The following XKR9 variants were observed in gnomAD, a reference collection of about 807,000 sequenced individuals.
The protein encoded by XKR9 is XK related 9.
Under a neutral mutation model 32.0 loss-of-function variants are expected in XKR9, and 32 were observed. The observed-to-expected ratio is 1.00, with a 90% CI of 0.76 to 1.34. XKR9 has a LOEUF of 1.34. Ranked by LOEUF, XKR9 falls within the 40% of genes most tolerant of loss-of-function variation. XKR9 has a pLI of 0.00. For synonymous variants in XKR9, 168 were observed against 143.4 expected (o/e 1.17, Z -1.22); for missense variants, 546 against 429.7 (o/e 1.27, Z -2.39).
At chr8:70,789,778 G>A (rs1807739795) in intron 3 of XKR9, among the ~76,000 whole-genome samples, 1 of 151,930 alleles carries the variant, frequency 6.6e-6, no homozygotes, top group African/African-American at 2.4e-5. Context: ...GTGGAATGTA[G>A]GTTCAGGTTT....
the XKR9 span, among the ~76,000 whole-genome samples, chr8:71,018,133 A>G: frequency 6.6e-6 from 1 of 152,210 alleles, no homozygotes; most frequent in Non-Finnish European, 1.5e-5. Context: ...CAGAAGAAGT[A>G]AAGAATAGGC....
the XKR9 span, among the ~76,000 whole-genome samples, chr8:70,978,854 C>T: frequency 4.6e-5 from 7 of 152,156 alleles, no homozygotes; most frequent in African/African-American, 7.2e-5. Flanking sequence ...CCATTCTCCG[C>T]GTCACTTTCC....
chr8:70,968,342 T>C, the XKR9 span, among the ~76,000 whole-genome samples: 1 of 152,196 alleles, frequency 6.6e-6, no homozygotes, highest in South Asian at 2.1e-4. Flanking sequence ...TCCTGTATTA[T>C]TTTATTGTGA....
the XKR9 span, among the ~76,000 whole-genome samples, chr8:70,803,574 A>AT: frequency 6.6e-6 from 1 of 152,084 alleles, no homozygotes; most frequent in Admixed American, 6.5e-5. Context: ...TGGGCTGATG[A>AT]TTTTTGAAGT....
the XKR9 span, among the ~76,000 whole-genome samples, chr8:70,887,664 G>A: frequency 6.6e-6 from 1 of 151,874 alleles, no homozygotes; most frequent in African/African-American, 2.4e-5. Flanking sequence ...GTATTCCTAG[G>A]TATTTTATTT....
At chr8:70,814,995 T>C in the XKR9 span, among the ~76,000 whole-genome samples, 1 of 152,126 alleles carries the variant, frequency 6.6e-6, no homozygotes, top group Non-Finnish European at 1.5e-5. Context: ...CTATTTACAA[T>C]AGCTACAAAA....
At chr8:70,699,276 C>T (rs936411621) in intron 3 of XKR9, among the ~76,000 whole-genome samples, 1 of 152,148 alleles carries the variant, frequency 6.6e-6, no homozygotes, top group Non-Finnish European at 1.5e-5. Flanking sequence ...TCTTCCTAGC[C>T]TCGATGGTCT....
the XKR9 span, among the ~76,000 whole-genome samples, chr8:70,938,163 T>C: frequency 3.9e-5 from 6 of 152,102 alleles, no homozygotes; most frequent in African/African-American, 9.6e-5. Context: ...AGGATTTGAT[T>C]TGGGTTTTGA....
At chr8:70,708,183 A>G (rs538237697) in intron 4 of XKR9, among the ~76,000 whole-genome samples, 2 of 152,094 alleles carry the variant, frequency 1.3e-5, no homozygotes, top group South Asian at 4.1e-4. Context: ...TTGTGATGCA[A>G]ATAATTCATG....
the XKR9 span, among the ~76,000 whole-genome samples, chr8:70,804,894 C>T: frequency 6.6e-6 from 1 of 152,162 alleles, no homozygotes; most frequent in Admixed American, 6.5e-5. Flanking sequence ...AAGAGCATTA[C>T]ACATTCCTTG....
the XKR9 span, among the ~76,000 whole-genome samples, chr8:70,903,244 A>T: frequency 6.6e-6 from 1 of 152,184 alleles, no homozygotes; most frequent in Non-Finnish European, 1.5e-5. Flanking sequence ...CCTCTGGTAG[A>T]ATTCGGCTGT....
chr8:70,960,606 A>G, the XKR9 span, among the ~76,000 whole-genome samples: 1 of 152,138 alleles, frequency 6.6e-6, no homozygotes, highest in African/African-American at 2.4e-5. Flanking sequence ...GGCCAAGTGC[A>G]GTGGCTCACA....
intron 2 of XKR9, among the ~76,000 whole-genome samples, chr8:70,755,508 C>T (rs1259293840): frequency 2.0e-5 from 3 of 152,002 alleles, no homozygotes; most frequent in African/African-American, 7.3e-5. Flanking sequence ...TGGAACCAAC[C>T]CAAATGTCCA....
the XKR9 span, among the ~76,000 whole-genome samples, chr8:70,883,856 G>C: frequency 1.3e-5 from 2 of 152,102 alleles, no homozygotes; most frequent in Non-Finnish European, 2.9e-5. Flanking sequence ...TTTGTGTTCA[G>C]GTTTTTTGGT....
chr8:70,810,930 C>G, the XKR9 span, among the ~76,000 whole-genome samples: 1 of 152,100 alleles, frequency 6.6e-6, no homozygotes, highest in Non-Finnish European at 1.5e-5. Flanking sequence ...CAGCTCTGCA[C>G]CAAGTGGACC....
In XKR9 at chr8:70,681,025, A is replaced by G; in HGVS notation, c.-34A>G. The G allele has an allele frequency of 6.4e-7, 1 of 1,568,986 alleles. No homozygotes were observed. The highest frequency in any genetic ancestry group is 1.2e-5 in the South Asian group (1 of 83,770). ...TTTTTTCCCTTTTTGTGAGGGAGAAAAAAGTAGATAACGAAAAGCTATAGT... is the reference window on the plus strand; with the variant it reads ...TTTTTTCCCTTTTTGTGAGGGAGAAGAAAGTAGATAACGAAAAGCTATAGT... On this transcript the variant is annotated 5_prime_UTR_variant, in exon 3 of 5. Coordinates refer to ENST00000408926, the MANE Select transcript of XKR9 (RefSeq NM_001011720.2).
the XKR9 span, among the ~76,000 whole-genome samples, chr8:70,971,394 T>G: frequency 1.3e-5 from 2 of 151,940 alleles, no homozygotes; most frequent in Non-Finnish European, 2.9e-5. Flanking sequence ...TGTGAAGATT[T>G]CCTCCCACTG....
At chr8:70,674,700 G>A (rs1484879232) in intron 1 of XKR9, 118 bp from the exon 2 acceptor site, 2 of 152,172 alleles carry the variant, frequency 1.3e-5, no homozygotes, top group African/African-American at 4.8e-5. Context: ...TATTCACAAT[G>A]ACACAGACTC....
At chr8:70,782,227 C>A (rs1472348502) in intron 2 of XKR9, among the ~76,000 whole-genome samples, 8 of 152,064 alleles carry the variant, frequency 5.3e-5, no homozygotes, top group Admixed American at 5.2e-4. Flanking sequence ...TTTAGTCTTT[C>A]CCTCTGCAGT....
Sources: gnomAD v4.1 joint callset for allele counts (sites outside exome capture counted in the v4.1 genomes callset) on GRCh38, gnomAD v4.1.1 for gene constraint, MANE v1.5 for transcripts, NCBI Gene and HGNC (gene_info 2026-07-23, HGNC 2026-07-21) for gene names.